Variants in RALYL observed in about 807,000 individuals in gnomAD.
RALYL encodes the protein RALY RNA binding protein like.
Under a neutral mutation model 35.1 loss-of-function variants are expected in RALYL, and 29 were observed. The ratio of observed to expected loss-of-function variants is 0.83; its 90% CI spans 0.61 to 1.13. RALYL has a LOEUF of 1.13. Ranked by LOEUF, RALYL falls within the 50% of genes most tolerant of loss-of-function variation. The pLI is 0.00. For missense variants in RALYL, 359 were observed against 360.4 expected, an observed-to-expected ratio of 1.00 and a Z score of 0.03; for synonymous variants, 120 against 127.6, an observed-to-expected ratio of 0.94 and a Z score of 0.40.
At chr8:84,839,483 G>T (rs1832735858) in intron 4 of RALYL, among the ~76,000 whole-genome samples, 1 of 152,208 alleles carries the variant, frequency 6.6e-6, no homozygotes, top group African/African-American at 2.4e-5. Flanking sequence ...GCTCGAACTG[G>T]GTGGAGCCCA....
chr8:84,540,635 G>A (rs2135237515), intron 2 of RALYL, among the ~76,000 whole-genome samples: 1 of 151,634 alleles, frequency 6.6e-6, no homozygotes, highest in Admixed American at 6.6e-5. Flanking sequence ...ATTTTTTCTG[G>A]TTATGTCCAT....
At chr8:84,428,100 T>TCTCTCTCA (rs1302623161) in intron 1 of RALYL, among the ~76,000 whole-genome samples, 1 of 134,790 alleles carries the variant, frequency 7.4e-6, no homozygotes, top group Non-Finnish European at 1.6e-5. Context: ...TCTCTCTCTC[T>TCTCTCTCA]CTCTCTCACA....
chr8:84,245,621 A>G (rs570482361), intron 1 of RALYL, among the ~76,000 whole-genome samples: 185 of 152,146 alleles, frequency 1.2e-3, no homozygotes, highest in Non-Finnish European at 2.4e-3. Context: ...TATGCATATG[A>G]CTTATCACAT....
intron 1 of RALYL, among the ~76,000 whole-genome samples, chr8:84,256,429 A>G (rs1017237615): frequency 6.6e-6 from 1 of 152,140 alleles, no homozygotes. Flanking sequence ...CTATGTACCA[A>G]CTGAGAGTGA....
intron 7 of RALYL, among the ~76,000 whole-genome samples, chr8:84,875,679 A>G (rs931904402): frequency 5.3e-5 from 8 of 152,152 alleles, no homozygotes; most frequent in Non-Finnish European, 1.0e-4. Flanking sequence ...ATATTTTACT[A>G]TATTTTCTTC....
intron 1 of RALYL, among the ~76,000 whole-genome samples, chr8:84,417,764 T>G (rs1353983373): frequency 6.6e-6 from 1 of 152,100 alleles, no homozygotes; most frequent in East Asian, 1.9e-4. Flanking sequence ...CATATTTATA[T>G]TTTTCCCCTC....
chr8:84,411,658 A>G (rs1441152104), intron 1 of RALYL, among the ~76,000 whole-genome samples: 1 of 152,008 alleles, frequency 6.6e-6, no homozygotes, highest in Non-Finnish European at 1.5e-5. Flanking sequence ...GCACTTAATA[A>G]TAACTATTAT....
intron 1 of RALYL, among the ~76,000 whole-genome samples, chr8:84,330,624 G>C (rs548531298): frequency 8.0e-4 from 122 of 151,924 alleles, no homozygotes; most frequent in Non-Finnish European, 1.4e-3. Context: ...GCATACTTTG[G>C]GTTTTCTTCT....
intron 2 of RALYL, among the ~76,000 whole-genome samples, chr8:84,719,270 G>A (rs1187960822): frequency 6.6e-6 from 1 of 152,132 alleles, no homozygotes; most frequent in African/African-American, 2.4e-5. Context: ...TAAACAGAAC[G>A]GATTGCCTTA....
chr8:84,297,168 A>G (rs1839911131), intron 1 of RALYL, among the ~76,000 whole-genome samples: 1 of 151,994 alleles, frequency 6.6e-6, no homozygotes, highest in Non-Finnish European at 1.5e-5. Flanking sequence ...TGATGAGCAT[A>G]GTACCTGATA....
chr8:84,614,247 A>C (rs1818940645), intron 2 of RALYL, among the ~76,000 whole-genome samples: 1 of 151,660 alleles, frequency 6.6e-6, no homozygotes, highest in Admixed American at 6.6e-5. Context: ...TATTACTCTC[A>C]GAATAGGTAT....
intron 1 of RALYL, among the ~76,000 whole-genome samples, chr8:84,375,661 G>A (rs2131520425): frequency 6.6e-6 from 1 of 151,724 alleles, no homozygotes; most frequent in Non-Finnish European, 1.5e-5. Context: ...GCTTTTTTGA[G>A]GACTGTCCTT....
chr8:84,729,855 A>G (rs1197223948), intron 2 of RALYL, among the ~76,000 whole-genome samples: 1 of 152,202 alleles, frequency 6.6e-6, no homozygotes, highest in Non-Finnish European at 1.5e-5. Flanking sequence ...ATCTCTGAAT[A>G]GACCAATAAC....
intron 1 of RALYL, among the ~76,000 whole-genome samples, chr8:84,240,887 A>G (rs1586467772): frequency 6.6e-6 from 1 of 152,174 alleles, no homozygotes; most frequent in Non-Finnish European, 1.5e-5. Flanking sequence ...CTTCAGAATA[A>G]AATAATGGCA....
chr8:84,435,936 T>G (rs940368758), intron 1 of RALYL, among the ~76,000 whole-genome samples: 6 of 152,114 alleles, frequency 3.9e-5, no homozygotes, highest in Non-Finnish European at 5.9e-5. Flanking sequence ...GAAATATGGT[T>G]GTTGTGGATT....
rs28605830 is a variant in RALYL at position 84,921,672 on chromosome 8, C to G, written c.*761C>G. 1 of 152,122 alleles carries G rather than the reference C, an allele frequency of 6.6e-6. No homozygotes were observed. Among genetic ancestry groups the G allele is most frequent in the Non-Finnish European group, 1.5e-5 (1 of 68,008 alleles). 9.4% of individuals were successfully genotyped at this position (152,122 alleles called of 1,614,324 possible). On this transcript the variant is annotated 3_prime_UTR_variant, in exon 9 of 9. Coordinates refer to ENST00000521268, the MANE Select transcript of RALYL (RefSeq NM_173848.7). ...CAAAAGTTTAAATTAGTGCATACATCATGTCATTTCACCTCCTGTTCCTAG... is the reference window on the plus strand; with the variant it reads ...CAAAAGTTTAAATTAGTGCATACATGATGTCATTTCACCTCCTGTTCCTAG...
intron 4 of RALYL, among the ~76,000 whole-genome samples, chr8:84,811,475 C>G (rs370832092): frequency 1.3e-5 from 2 of 152,140 alleles, no homozygotes; most frequent in Admixed American, 6.5e-5. Flanking sequence ...CTTTAGATAA[C>G]TTGATGACAG....
At chr8:84,573,599 A>G (rs561171565) in intron 2 of RALYL, among the ~76,000 whole-genome samples, 11 of 151,858 alleles carry the variant, frequency 7.2e-5, no homozygotes, top group Non-Finnish European at 1.5e-4. Flanking sequence ...GTTTCATAGA[A>G]TATGGAATTT....
chr8:84,428,303 G>T (rs571641909), intron 1 of RALYL, among the ~76,000 whole-genome samples: 1 of 152,096 alleles, frequency 6.6e-6, no homozygotes, highest in Admixed American at 6.6e-5. Context: ...CCAGATGGTC[G>T]TTAATCATGA....
Sources: allele counts gnomAD v4.1 joint callset (sites outside exome capture counted in the v4.1 genomes callset), GRCh38; gene constraint gnomAD v4.1.1; transcripts MANE v1.5; gene names NCBI Gene and HGNC (gene_info 2026-07-23, HGNC 2026-07-21).